The following AR variants were observed in gnomAD, a reference collection of about 807,000 sequenced individuals.
AR encodes androgen receptor.
A neutral mutation model predicts 53.9 loss-of-function variants in AR; 8 were observed. That is an observed-to-expected ratio of 0.15 (90% CI 0.09 to 0.27). The LOEUF (loss-of-function observed/expected upper bound fraction) is 0.27, where lower values mean the gene tolerates loss of function less well. Among genes scored for constraint, AR ranks in the 10% least tolerant of loss-of-function variants. The pLI is 1.00. For missense variants in AR, 639 were observed against 742.5 expected (o/e 0.86, Z 1.62); for synonymous variants, 359 against 316.4 (o/e 1.13, Z -1.43).
intron 1 of AR, among the ~76,000 whole-genome samples, chrX:67,595,114 G>C (rs1923018059): frequency 9.0e-6 from 1 of 111,468 alleles, no homozygotes; most frequent in African/African-American, 3.3e-5. Flanking sequence ...TTACATCAAA[G>C]GGTTGCCTCA....
chrX:67,603,125 G>A (rs755015838), intron 1 of AR, among the ~76,000 whole-genome samples: 1 of 111,579 alleles, frequency 9.0e-6, no homozygotes, highest in African/African-American at 3.3e-5. Flanking sequence ...ATTGTCTCTA[G>A]GTAGACTTTC....
intron 3 of AR, among the ~76,000 whole-genome samples, chrX:67,692,961 G>T (rs2048463787): frequency 8.9e-6 from 1 of 112,496 alleles, no homozygotes; most frequent in Admixed American, 9.4e-5. Flanking sequence ...GAGGGGAAAA[G>T]CTTTATGTCT....
intron 3 of AR, among the ~76,000 whole-genome samples, chrX:67,708,492 A>C (rs982342627): frequency 1.8e-5 from 2 of 111,759 alleles, no homozygotes; most frequent in African/African-American, 3.3e-5. Context: ...TTTCAGCTCC[A>C]TCAGGTCATT....
At chrX:67,633,005 A>T (rs1925244019) in intron 1 of AR, among the ~76,000 whole-genome samples, 1 of 112,357 alleles carries the variant, frequency 8.9e-6, no homozygotes, top group African/African-American at 3.2e-5. Flanking sequence ...ATAAAAGAAC[A>T]AATAACAAGT....
At chrX:67,668,591 T>A (rs1569300771) in intron 2 of AR, among the ~76,000 whole-genome samples, 1 of 111,180 alleles carries the variant, frequency 9.0e-6, no homozygotes, top group Non-Finnish European at 1.9e-5. Flanking sequence ...GAGTTTGGAA[T>A]GATTCTCTCC....
chrX:67,633,544 G>T (rs1210298886), intron 1 of AR, among the ~76,000 whole-genome samples: 1 of 111,795 alleles, frequency 8.9e-6, no homozygotes, highest in Non-Finnish European at 1.9e-5. Context: ...CTATTCCAAG[G>T]TAAATACTCA....
intron 3 of AR, among the ~76,000 whole-genome samples, chrX:67,701,267 GGCTA>G (rs2076041163): frequency 9.0e-6 from 1 of 111,066 alleles, no homozygotes; most frequent in Admixed American, 9.6e-5. Context: ...GCCCACATGT[GGCTA>G]GTTGGCTACT....
intron 1 of AR, among the ~76,000 whole-genome samples, chrX:67,632,885 T>C (rs1925236345): frequency 8.9e-6 from 1 of 112,250 alleles, no homozygotes; most frequent in South Asian, 3.7e-4. Flanking sequence ...TAGAAATTTC[T>C]TGATAGAAGA....
At chrX:67,640,451 G>A (rs2147430835) in intron 1 of AR, among the ~76,000 whole-genome samples, 1 of 111,245 alleles carries the variant, frequency 9.0e-6, no homozygotes, top group Non-Finnish European at 1.9e-5. Flanking sequence ...TCTGGTTCTG[G>A]ACTTTTTTTG....
At chrX:67,645,715 G>A (rs1407940763) in intron 2 of AR, among the ~76,000 whole-genome samples, 1 of 110,143 alleles carries the variant, frequency 9.1e-6, no homozygotes, top group East Asian at 2.9e-4. Flanking sequence ...GGTAGGAGAA[G>A]GTGGTTTAGA....
intron 1 of AR, among the ~76,000 whole-genome samples, chrX:67,555,140 C>A (rs1230935633): frequency 9.1e-6 from 1 of 110,041 alleles, no homozygotes; most frequent in Non-Finnish European, 1.9e-5. Context: ...TGCCATGATG[C>A]CTGTATGAGA....
intron 3 of AR, among the ~76,000 whole-genome samples, chrX:67,692,197 G>A (rs766116163): frequency 8.9e-6 from 1 of 112,103 alleles, no homozygotes; most frequent in South Asian, 3.7e-4. Context: ...GCAGGCAGCA[G>A]AGTGTCATAA....
intron 2 of AR, among the ~76,000 whole-genome samples, chrX:67,654,349 G>A (rs1381729583): frequency 9.0e-6 from 1 of 111,208 alleles, no homozygotes; most frequent in Non-Finnish European, 1.9e-5. Flanking sequence ...AGGTAAAGGA[G>A]GCCTTGGGTT....
At chrX:67,552,671 G>T (rs1161171336) in intron 1 of AR, among the ~76,000 whole-genome samples, 1 of 111,778 alleles carries the variant, frequency 8.9e-6, no homozygotes, top group African/African-American at 3.2e-5. Context: ...AACCTATGGG[G>T]GTCCATTTCT....
chrX:67,639,401 C>A (rs150491415), intron 1 of AR, among the ~76,000 whole-genome samples: 1 of 111,822 alleles, frequency 8.9e-6, no homozygotes, highest in Non-Finnish European at 1.9e-5. Context: ...CTGTAAAACA[C>A]TTTGGGCAGT....
chrX:67,661,300 A>G (rs1280904630), intron 2 of AR, among the ~76,000 whole-genome samples: 3 of 110,910 alleles, frequency 2.7e-5, no homozygotes, highest in African/African-American at 9.9e-5. Flanking sequence ...CCAGTTTTCA[A>G]AGGGAATGCT....
Position 67,545,710 on chromosome X carries a change from C to G in AR, c.564C>G (p.Ala188=), listed in dbSNP as rs2147317112. The G allele has an allele frequency of 8.3e-7, 1 of 1,210,035 alleles. No individual in the cohort carries two copies. The change falls in exon 1 of 8, where the codon GCC becomes GCG. Residue 188 remains alanine, a synonymous_variant. Transcript: ENST00000374690. ...SADLKDILSE[A]STMQLLQQQQ... ...ACCTTAAAGACATCCTGAGCGAGGC[C>G]AGCACCATGCAACTCCTTCAGCAAC...
chrX:67,702,426 G>A (rs891274713), intron 3 of AR, among the ~76,000 whole-genome samples: 1 of 111,870 alleles, frequency 8.9e-6, no homozygotes, highest in Non-Finnish European at 1.9e-5. Context: ...ACAAGTTATT[G>A]TGGGGTTCAG....
At chrX:67,696,629 G>C (rs1329547095) in intron 3 of AR, among the ~76,000 whole-genome samples, 1 of 111,706 alleles carries the variant, frequency 9.0e-6, no homozygotes, top group African/African-American at 3.3e-5. Flanking sequence ...GGCTGGGAGG[G>C]GATTGGAGAC....
Sources: allele counts gnomAD v4.1 joint callset (sites outside exome capture counted in the v4.1 genomes callset), GRCh38; gene constraint gnomAD v4.1.1; transcripts MANE v1.5; gene names NCBI Gene and HGNC (gene_info 2026-07-23, HGNC 2026-07-21).